Variants in CNIH3 observed in about 807,000 individuals in gnomAD.
CNIH3 encodes the protein protein cornichon homolog 3.
Under a neutral mutation model 24.1 loss-of-function variants are expected in CNIH3, and 14 were observed. The ratio of observed to expected loss-of-function variants is 0.58; its 90% CI spans 0.38 to 0.91. The LOEUF is 0.91. CNIH3 is among the 40% of genes least tolerant of loss of function. CNIH3 has a pLI of 0.00. For synonymous variants in CNIH3, 68 were observed against 73.8 expected, an observed-to-expected ratio of 0.92 and a Z score of 0.40; for missense variants, 178 against 196.8, an observed-to-expected ratio of 0.90 and a Z score of 0.57.
At chr1:224,625,416 C>A (rs938368777) in intron 1 of CNIH3, among the ~76,000 whole-genome samples, 1 of 152,100 alleles carries the variant, frequency 6.6e-6, no homozygotes, top group Admixed American at 6.5e-5. Context: ...ATTAGCCAGG[C>A]GTGGTGGTGG....
At chr1:224,565,667 G>C (rs570407560) in intron 3 of CNIH3, 1 of 152,518 alleles carries the variant, frequency 6.6e-6, no homozygotes, top group Non-Finnish European at 1.5e-5. Flanking sequence ...TACTCTGCAG[G>C]AGAGTCTGAG....
At chr1:224,449,220 T>C (rs1675288896) in intron 1 of CNIH3, among the ~76,000 whole-genome samples, 1 of 152,042 alleles carries the variant, frequency 6.6e-6, no homozygotes, top group Non-Finnish European at 1.5e-5. Context: ...TGCCTCGGCC[T>C]CCCAAAGTGC....
intron 4 of CNIH3, among the ~76,000 whole-genome samples, chr1:224,573,686 A>T (rs1156383775): frequency 6.6e-6 from 1 of 152,196 alleles, no homozygotes; most frequent in Non-Finnish European, 1.5e-5. Context: ...CTCAAGCATG[A>T]GAAACTAATT....
intron 1 of CNIH3, among the ~76,000 whole-genome samples, chr1:224,669,981 C>G (rs1685784671): frequency 6.6e-6 from 1 of 152,088 alleles, no homozygotes; most frequent in African/African-American, 2.4e-5. Context: ...GTCTTCATTT[C>G]TCTCTATCCT....
chr1:224,612,186 G>A (rs564761666), upstream of CNIH3, among the ~76,000 whole-genome samples: 26 of 152,292 alleles, frequency 1.7e-4, no homozygotes, highest in Admixed American at 1.4e-3. The surrounding 1 kb of genome is among the most constrained non-coding windows in gnomAD (Gnocchi z 4.7). Context: ...AACTTATAAA[G>A]CTGAATGAAA....
intron 4 of CNIH3, chr1:224,575,149 T>C: frequency 1.0e-6 from 1 of 993,902 alleles, no homozygotes; most frequent in Non-Finnish European, 1.6e-6. Flanking sequence ...ATCAAGGCGA[T>C]CACAGCCAAA....
At chr1:224,530,745 G>A (rs771575987) in intron 2 of CNIH3, among the ~76,000 whole-genome samples, 2 of 152,124 alleles carry the variant, frequency 1.3e-5, no homozygotes, top group African/African-American at 4.8e-5. Flanking sequence ...GATTACAGGC[G>A]CCTGCCACCA....
chr1:224,498,514 C>T (rs1448465227), intron 1 of CNIH3, among the ~76,000 whole-genome samples: 2 of 152,200 alleles, frequency 1.3e-5, no homozygotes. Flanking sequence ...AGAAGCTTCC[C>T]TGTCTTCTTT....
At chr1:224,564,613 C>T (rs986847399) in intron 3 of CNIH3, among the ~76,000 whole-genome samples, 1 of 152,206 alleles carries the variant, frequency 6.6e-6, no homozygotes, top group African/African-American at 2.4e-5. Context: ...GAAGGGCTGA[C>T]GATACTTGGA....
rs192211157 is a variant in CNIH3, at chr1:224,606,770, G to A, written n.402+40506G>A. Among the ~76,000 whole-genome samples, 521 of 152,234 alleles carry A rather than the reference G, an allele frequency of 3.4e-3. 2 individuals are homozygous for A. Among genetic ancestry groups the A allele is most frequent in the African/African-American group, 0.012 (494 of 41,526 alleles). On this transcript the variant is annotated intron_variant and non_coding_transcript_variant, in intron 3 of 7. Coordinates refer to the CNIH3 transcript ENST00000478120. ...TGAGTTGATTTTGTTTGTGCAGGGG[G>A]CAGGAGGAACCTGTTGGGCAGTTAC...
At chr1:224,442,128 C>T (rs1014742074) in intron 1 of CNIH3, among the ~76,000 whole-genome samples, 2 of 151,216 alleles carry the variant, frequency 1.3e-5, no homozygotes, top group African/African-American at 2.4e-5. Flanking sequence ...AAGCAATCCT[C>T]CCACCTCAGC....
chr1:224,543,731 A>C (rs1679600852), intron 2 of CNIH3, among the ~76,000 whole-genome samples: 1 of 151,414 alleles, frequency 6.6e-6, no homozygotes, highest in African/African-American at 2.4e-5. Context: ...ACCTCCCTCT[A>C]CTCTCCTCCA....
downstream of CNIH3, among the ~76,000 whole-genome samples, chr1:224,539,968 A>G (rs1474713115): frequency 1.3e-5 from 2 of 152,150 alleles, no homozygotes; most frequent in African/African-American, 4.8e-5. Flanking sequence ...TATTCGTGTA[A>G]CATTGATCAC....
intron 1 of CNIH3, among the ~76,000 whole-genome samples, chr1:224,438,001 C>T (rs535876503): frequency 6.6e-6 from 1 of 152,054 alleles, no homozygotes; most frequent in South Asian, 2.1e-4. Flanking sequence ...CAAGCTCCGC[C>T]TCCTGGGTTC....
chr1:224,674,991 G>A (rs575896122), intron 1 of CNIH3, among the ~76,000 whole-genome samples: 14 of 152,196 alleles, frequency 9.2e-5, no homozygotes, highest in South Asian at 4.1e-4. Flanking sequence ...CCCAGGCAGC[G>A]TAGAGGCAAT....
chr1:224,468,356 A>G (rs1423466851), intron 1 of CNIH3, among the ~76,000 whole-genome samples: 2 of 152,120 alleles, frequency 1.3e-5, no homozygotes, highest in South Asian at 2.1e-4. Context: ...TTCTTTCATC[A>G]ACATTTTGTA....
chr1:224,461,150 C>T (rs1675898183), intron 1 of CNIH3, among the ~76,000 whole-genome samples: 1 of 151,702 alleles, frequency 6.6e-6, no homozygotes, highest in Non-Finnish European at 1.5e-5. Context: ...CTACAGGCGC[C>T]CACCACCACA....
intron 1 of CNIH3, among the ~76,000 whole-genome samples, chr1:224,456,212 C>T (rs1344598703): frequency 6.6e-6 from 1 of 152,204 alleles, no homozygotes; most frequent in Non-Finnish European, 1.5e-5. Flanking sequence ...CCCCTCTCCT[C>T]ACACCACCTC....
At chr1:224,485,719 A>G (rs1677002350) in intron 1 of CNIH3, among the ~76,000 whole-genome samples, 1 of 152,148 alleles carries the variant, frequency 6.6e-6, no homozygotes, top group Non-Finnish European at 1.5e-5. Flanking sequence ...TCCTGTCTCC[A>G]GCTCCCAAAG....
Sources: gnomAD v4.1 joint callset for allele counts (sites outside exome capture counted in the v4.1 genomes callset) on GRCh38, gnomAD v4.1.1 for gene constraint, Gnocchi (gnomAD v3.1) non-coding constraint, MANE v1.5 for transcripts, NCBI Gene and HGNC (gene_info 2026-07-23, HGNC 2026-07-21) for gene names.